Variants in CACNA1D observed in about 807,000 individuals in gnomAD.
The protein encoded by CACNA1D is voltage-dependent L-type calcium channel subunit alpha-1D.
In CACNA1D, 55 loss-of-function variants were observed where a neutral mutation model predicts 257.1. The ratio of observed to expected loss-of-function variants is 0.21; its 90% CI spans 0.17 to 0.27. The LOEUF (loss-of-function observed/expected upper bound fraction) is 0.27. CACNA1D is among the 10% of genes least tolerant of loss of function. The pLI is 1.00. For synonymous variants in CACNA1D, 980 were observed against 1,014.9 expected, an observed-to-expected ratio of 0.97 and a Z score of 0.65; for missense variants, 1,876 against 2,784.0, an observed-to-expected ratio of 0.67 and a Z score of 7.34.
chr3:53,668,471 A>G (rs1421460752), intron 7 of CACNA1D, among the ~76,000 whole-genome samples: 1 of 152,196 alleles, frequency 6.6e-6, no homozygotes, highest in East Asian at 1.9e-4. Flanking sequence ...ATACTTTGAC[A>G]GTATAATTGC....
chr3:53,733,245 G>T (rs1338665631), intron 19 of CACNA1D, among the ~76,000 whole-genome samples: 1 of 152,194 alleles, frequency 6.6e-6, no homozygotes, highest in African/African-American at 2.4e-5. Context: ...CCCCTGCATG[G>T]GGACAGCAAT....
chr3:53,593,331 A>C (rs568235227), intron 3 of CACNA1D, among the ~76,000 whole-genome samples: 1 of 152,188 alleles, frequency 6.6e-6, no homozygotes, highest in Non-Finnish European at 1.5e-5. Context: ...AGTTTTAGCC[A>C]GCTTGTCTTG....
intron 3 of CACNA1D, among the ~76,000 whole-genome samples, chr3:53,574,139 T>C (rs1251727369): frequency 6.6e-6 from 1 of 152,190 alleles, no homozygotes; most frequent in Non-Finnish European, 1.5e-5. Flanking sequence ...GCTCAGTGTT[T>C]CCACACGTTT....
intron 14 of CACNA1D, among the ~76,000 whole-genome samples, chr3:53,725,476 A>G (rs2094926998): frequency 6.6e-6 from 1 of 152,162 alleles, no homozygotes; most frequent in Non-Finnish European, 1.5e-5. Flanking sequence ...ACTCCCAGAG[A>G]TGGAATTGCT....
At chr3:53,785,131 T>G (rs1457503780) in intron 39 of CACNA1D, among the ~76,000 whole-genome samples, 1 of 152,154 alleles carries the variant, frequency 6.6e-6, no homozygotes, top group African/African-American at 2.4e-5. Flanking sequence ...AAACATACCC[T>G]GAGCAAATGG....
chr3:53,664,141 A>G (rs1462154890), intron 5 of CACNA1D, among the ~76,000 whole-genome samples: 4 of 152,188 alleles, frequency 2.6e-5, no homozygotes, highest in East Asian at 1.9e-4. Context: ...TTAATGTTAC[A>G]TAATACCAAC....
chr3:53,707,838 C>T (rs1481785346), intron 9 of CACNA1D, among the ~76,000 whole-genome samples: 3 of 151,934 alleles, frequency 2.0e-5, no homozygotes, highest in African/African-American at 7.3e-5. Flanking sequence ...AAAGGGAGCT[C>T]ATTCTAAAAT....
In CACNA1D at chr3:53,761,980, C is replaced by T; in HGVS notation, c.3787-18C>T. The T allele has an allele frequency of 6.3e-7, 1 of 1,580,610 alleles. No individual in the cohort carries two copies. Among genetic ancestry groups the T allele is most frequent in the Non-Finnish European group, 8.7e-7 (1 of 1,149,410 alleles). On this transcript the variant is annotated intron_variant, in intron 29 of 47. Transcript: ENST00000350061. ...TCATACATGCTCATAAACATCTGCC[C>T]TCGCCTGCTCTGTCCAGGGGTATTT...
At chr3:53,742,903 T>C in intron 21 of CACNA1D, 108 bp from the exon 22 acceptor site, 1 of 790,122 alleles carries the variant, frequency 1.3e-6, no homozygotes, top group East Asian at 2.4e-5. Context: ...GACTTCTTAA[T>C]GCACACTTGT....
At chr3:53,639,793 A>C (rs541716265) in intron 3 of CACNA1D, among the ~76,000 whole-genome samples, 1 of 152,314 alleles carries the variant, frequency 6.6e-6, no homozygotes, top group East Asian at 1.9e-4. Flanking sequence ...TTTCTTGTCA[A>C]AATGAAAGTG....
intron 3 of CACNA1D, among the ~76,000 whole-genome samples, chr3:53,642,571 G>A (rs1249946100): frequency 6.6e-6 from 1 of 152,220 alleles, no homozygotes; most frequent in Admixed American, 6.5e-5. Flanking sequence ...TGGCAGCAAA[G>A]CAGAAGCTGC....
chr3:53,572,378 A>G (rs201369496), intron 3 of CACNA1D, among the ~76,000 whole-genome samples: 45 of 103,904 alleles, frequency 4.3e-4, no homozygotes, highest in African/African-American at 1.3e-3. Flanking sequence ...TTGTTTGTTT[A>G]TTTATTTATT....
Position 53,610,419 on chromosome 3 carries a change from C to T in CACNA1D, c.484-40360C>T, listed in dbSNP as rs561739560. On this transcript the variant is annotated intron_variant, in intron 3 of 47. Transcript: ENST00000350061. ...GCCTCATATATTTTGAAGCTTTGCT[C>T]CTGGATGAATTCACATTTAGGGTTG... Among the ~76,000 whole-genome samples the T allele has an allele frequency of 3.0e-4, 46 of 152,230 alleles. No individual in the cohort carries two copies. In the South Asian group the frequency reaches 8.3e-3, roughly 27 times the overall value.
chr3:53,745,618 C>T lies in CACNA1D; in HGVS notation c.3007-6C>T, dbSNP rs761325718. 6.9e-6 allele frequency: 11 copies of T among 1,599,176 alleles called. No homozygotes were observed. The highest frequency in any genetic ancestry group is 1.1e-5 in the South Asian group (1 of 90,778). On this transcript the variant is annotated splice_region_variant and splice_polypyrimidine_tract_variant and intron_variant, in intron 23 of 47. Coordinates refer to ENST00000350061, the MANE Select transcript of CACNA1D (RefSeq NM_001128840.3). ...GAAGAGTCACGCCCCTCTGCCCTCT[C>T]CGCAGCACGTGGTCCAGTGCGTCTT... is the stretch of plus-strand genomic sequence containing the variant.
intron 22 of CACNA1D, among the ~76,000 whole-genome samples, chr3:53,743,761 C>A (rs2095139680): frequency 6.6e-6 from 1 of 152,148 alleles, no homozygotes; most frequent in Non-Finnish European, 1.5e-5. Context: ...TTCTTGCTGG[C>A]CTGTGAGCAC....
intron 3 of CACNA1D, among the ~76,000 whole-genome samples, chr3:53,582,629 G>A (rs2093151811): frequency 6.6e-6 from 1 of 152,134 alleles, no homozygotes; most frequent in African/African-American, 2.4e-5. Context: ...GGGTAGCTAA[G>A]GATTCTCAGG....
At position 53,744,776 on chromosome 3, in the gene CACNA1D, C is replaced by G; in HGVS notation, c.2955C>G (p.Val985=). The change falls in exon 23 of 48, where the codon GTC becomes GTG. Residue 985 remains valine, a synonymous_variant. Coordinates refer to ENST00000350061, the MANE Select transcript of CACNA1D (RefSeq NM_001128840.3). ...SAISVVKILR[V]LRVLRPLRAI... The stretch of plus-strand genomic sequence containing the variant: ...TCTCCGTTGTGAAGATTCTGAGGGT[C>G]TTAAGGGTCCTGCGTCCCCTCAGGG... 6.2e-7 allele frequency: 1 copy of G among 1,610,974 alleles called. No individual in the cohort carries two copies. Among genetic ancestry groups the G allele is most frequent in the Non-Finnish European group, 8.5e-7 (1 of 1,177,066 alleles).
rs1411355854 is a variant in CACNA1D, at chr3:53,495,110, G to A, written c.-57G>A. 1 of 737,182 alleles carries A rather than the reference G, an allele frequency of 1.4e-6. No homozygotes were observed. 45.7% of individuals were successfully genotyped at this position (737,182 alleles called of 1,614,324 possible). On this transcript the variant is annotated 5_prime_UTR_variant, in exon 1 of 48. Transcript: ENST00000350061. The surrounding 1 kb of genome is among the most constrained non-coding windows in gnomAD (Gnocchi z 5.1). ...TGATCCCCTTCCCCATTCCGCCCCC[G>A]CCTCAACGCCCAGCACAGTGCCCTG...
At chr3:53,735,334 C>T in intron 19 of CACNA1D, 40 bp from the exon 20 acceptor site, 2 of 1,606,440 alleles carry the variant, frequency 1.2e-6, no homozygotes, top group East Asian at 2.2e-5. Flanking sequence ...GTGTTCCACC[C>T]TATCTGGGAC....
Sources: gnomAD v4.1 joint callset for allele counts (sites outside exome capture counted in the v4.1 genomes callset) on GRCh38, gnomAD v4.1.1 for gene constraint, Gnocchi (gnomAD v3.1) non-coding constraint, MANE v1.5 for transcripts, NCBI Gene and HGNC (gene_info 2026-07-23, HGNC 2026-07-21) for gene names.